The following GAREM1 variants were observed in gnomAD, a reference collection of about 807,000 sequenced individuals.
The protein encoded by GAREM1 is GRB2 associated regulator of MAPK1 subtype 1.
Under a neutral mutation model 71.3 loss-of-function variants are expected in GAREM1, and 26 were observed. The observed-to-expected ratio is 0.36, with a 90% CI of 0.27 to 0.51. GAREM1 has a LOEUF of 0.51. GAREM1 is among the 20% of genes least tolerant of loss of function. The pLI is 0.95. For synonymous variants in GAREM1, 440 were observed against 433.2 expected (o/e 1.02, Z -0.20); for missense variants, 1,026 against 1,103.1 (o/e 0.93, Z 0.99).
intron 2 of GAREM1, among the ~76,000 whole-genome samples, chr18:32,378,989 G>C (rs1281582325): frequency 2.6e-5 from 4 of 152,138 alleles, no homozygotes; most frequent in Non-Finnish European, 5.9e-5. Flanking sequence ...TCTGCCACCT[G>C]GCCTCCTGAG....
At chr18:32,354,135 G>A (rs112744031) in intron 2 of GAREM1, among the ~76,000 whole-genome samples, 1 of 152,158 alleles carries the variant, frequency 6.6e-6, no homozygotes, top group Non-Finnish European at 1.5e-5. Context: ...TTTAGTACCA[G>A]AGGTTGTGGT....
chr18:32,391,303 G>C (rs954599394), intron 2 of GAREM1, among the ~76,000 whole-genome samples: 1 of 152,148 alleles, frequency 6.6e-6, no homozygotes, highest in Admixed American at 6.5e-5. Context: ...GAAAAGATCA[G>C]TTTGGAGAAG....
intron 2 of GAREM1, among the ~76,000 whole-genome samples, chr18:32,336,416 C>A (rs1042685822): frequency 7.5e-6 from 1 of 132,822 alleles, no homozygotes; most frequent in East Asian, 2.1e-4. Flanking sequence ...GGCAACAGAG[C>A]GAGACTCCGT....
chr18:32,438,956 T>C (rs2048708585), intron 1 of GAREM1, among the ~76,000 whole-genome samples: 1 of 152,178 alleles, frequency 6.6e-6, no homozygotes. Context: ...CATCCTCCCA[T>C]GAGTAACAGT....
intron 3 of GAREM1, among the ~76,000 whole-genome samples, chr18:32,292,233 T>G (rs1207586524): frequency 6.6e-6 from 1 of 152,238 alleles, no homozygotes; most frequent in Non-Finnish European, 1.5e-5. Flanking sequence ...TGCATTTCTC[T>G]AATGACCAGT....
chr18:32,292,853 A>G (rs2047100254), intron 3 of GAREM1, among the ~76,000 whole-genome samples: 1 of 152,232 alleles, frequency 6.6e-6, no homozygotes, highest in South Asian at 2.1e-4. Context: ...CAGTAGGGAA[A>G]AAAAGACCAA....
At chr18:32,448,443 C>A (rs1403113630) in intron 1 of GAREM1, among the ~76,000 whole-genome samples, 1 of 152,158 alleles carries the variant, frequency 6.6e-6, no homozygotes, top group African/African-American at 2.4e-5. Flanking sequence ...ATGGCACTGG[C>A]CTGTTTCTGG....
intron 2 of GAREM1, among the ~76,000 whole-genome samples, chr18:32,378,905 A>C (rs973709843): frequency 7.9e-5 from 12 of 152,110 alleles, no homozygotes; most frequent in Admixed American, 6.5e-4. Flanking sequence ...TATCTCTAAA[A>C]CACAAATATT....
At chr18:32,324,548 G>A (rs1201147672) in intron 2 of GAREM1, among the ~76,000 whole-genome samples, 3 of 152,176 alleles carry the variant, frequency 2.0e-5, no homozygotes, top group Admixed American at 1.3e-4. Flanking sequence ...ACAGAAACAC[G>A]AATGGTTTCT....
intron 2 of GAREM1, among the ~76,000 whole-genome samples, chr18:32,391,073 G>C (rs1439090313): frequency 1.3e-5 from 2 of 152,168 alleles, no homozygotes; most frequent in African/African-American, 4.8e-5. Flanking sequence ...CACAGGAAAA[G>C]GTAATTGAAT....
chr18:32,452,108 T>C (rs2048845768), intron 1 of GAREM1, among the ~76,000 whole-genome samples: 1 of 152,192 alleles, frequency 6.6e-6, no homozygotes, highest in Non-Finnish European at 1.5e-5. Context: ...AGCCAAGACG[T>C]GCACAATGGC....
intron 2 of GAREM1, among the ~76,000 whole-genome samples, chr18:32,379,536 C>T (rs1275530331): frequency 2.1e-5 from 3 of 143,936 alleles, no homozygotes; most frequent in African/African-American, 5.1e-5. Context: ...GAAATCCCAT[C>T]TCTACTAAAA....
intron 1 of GAREM1, among the ~76,000 whole-genome samples, chr18:32,455,455 CAAGCT>C (rs2048878437): frequency 6.6e-6 from 1 of 152,140 alleles, no homozygotes; most frequent in African/African-American, 2.4e-5. Flanking sequence ...ACTAAGTAAT[CAAGCT>C]GAGTGCAACT....
intron 2 of GAREM1, among the ~76,000 whole-genome samples, chr18:32,348,007 C>A (rs1228568933): frequency 1.3e-5 from 2 of 152,154 alleles, no homozygotes. Flanking sequence ...GCAATTATTT[C>A]TTAAAATAGA....
intron 1 of GAREM1, among the ~76,000 whole-genome samples, chr18:32,406,372 T>C (rs1279952999): frequency 6.6e-6 from 1 of 152,134 alleles, no homozygotes; most frequent in Non-Finnish European, 1.5e-5. Flanking sequence ...CTAGTTGTTT[T>C]ACTGTCTTGT....
intron 5 of GAREM1, 47 bp downstream of exon 5, chr18:32,270,170 G>A: frequency 6.3e-7 from 1 of 1,593,594 alleles, no homozygotes; most frequent in Non-Finnish European, 8.6e-7. Flanking sequence ...CCATGAACTG[G>A]TGGATGAGAA....
intron 2 of GAREM1, among the ~76,000 whole-genome samples, chr18:32,353,550 G>A (rs1267060495): frequency 6.6e-6 from 1 of 152,168 alleles, no homozygotes; most frequent in Non-Finnish European, 1.5e-5. Flanking sequence ...CTATAATAGG[G>A]CCTTCTTTAC....
At position 32,270,342 on chromosome 18, in the gene GAREM1, T is replaced by C. The variant is rs905993805; in HGVS notation, c.1608A>G (p.Pro536=). 3 of 1,613,598 alleles carry C rather than the reference T, an allele frequency of 1.9e-6. No individual in the cohort carries two copies. Among genetic ancestry groups the C allele is most frequent in the Non-Finnish European group, 2.5e-6 (3 of 1,179,888 alleles). Reference sequence around the variant, plus strand: ...TGGACAAAGGCTTTGCGCTTCGGGGTGGAACAGGTGGGGCGTTCAGGAGCC... The same window carrying C: ...TGGACAAAGGCTTTGCGCTTCGGGGCGGAACAGGTGGGGCGTTCAGGAGCC... The part of the protein sequence containing the change: ...ECRLLNAPPV[P]PRSAKPLSTS... The change falls in exon 5 of 6, where the codon CCA becomes CCG. Residue 536 remains proline (P), a synonymous_variant. Transcript: ENST00000269209.
Position 32,364,012 on chromosome 18 carries a change from ATATATATATATATATGTTTTTT to A in GAREM1, c.262+28861_262+28882del, listed in dbSNP as rs2047897531. 7.8e-5 allele frequency among the ~76,000 whole-genome samples: 4 copies of A among 51,436 alleles called. 1 individual carries two copies. Among genetic ancestry groups the A allele is most frequent in the African/African-American group, 4.5e-4 (4 of 8,826 alleles). 33.7% of individuals were successfully genotyped at this position (51,436 alleles called of 152,430 possible). On this transcript the variant is annotated intron_variant, in intron 2 of 5. Coordinates refer to ENST00000269209, the MANE Select transcript of GAREM1 (RefSeq NM_001242409.2). ...CATATATACATATATATATATATAT[ATATATATATATATATGTTTTTT>A]TTTTTTTTTTTTTTTTGTGAGACAC...
Sources: gnomAD v4.1 joint callset for allele counts (sites outside exome capture counted in the v4.1 genomes callset) on GRCh38, gnomAD v4.1.1 for gene constraint, MANE v1.5 for transcripts, NCBI Gene and HGNC (gene_info 2026-07-23, HGNC 2026-07-21) for gene names.